The following PRKDC variants were observed in gnomAD, a reference collection of about 807,000 sequenced individuals.
PRKDC encodes protein kinase, DNA-activated, catalytic subunit.
A neutral mutation model predicts 486.9 loss-of-function variants in PRKDC; 82 were observed. The ratio of observed to expected loss-of-function variants is 0.17; its 90% CI spans 0.14 to 0.20. The LOEUF (loss-of-function observed/expected upper bound fraction) is 0.20, where lower values mean the gene tolerates loss of function less well. Among genes scored for constraint, PRKDC ranks in the 10% least tolerant of loss-of-function variants. The pLI is 1.00. For missense variants in PRKDC, 4,504 were observed against 5,038.2 expected, an observed-to-expected ratio of 0.89 and a Z score of 3.21; for synonymous variants, 1,895 against 1,837.0, an observed-to-expected ratio of 1.03 and a Z score of -0.81.
At position 47,901,001 on chromosome 8, in the gene PRKDC, AAAAT is replaced by A. The variant is rs965080140; in HGVS notation, c.3270-538_3270-535del. ...TGTCTCTACAAAAAATTAAAAAAAA[AAAAT>A]TAGTTGGGTGCAGTGGTGCACACCT... On this transcript the variant is annotated intron_variant, in intron 27 of 85. Transcript: ENST00000314191. 1.2e-4 allele frequency among the ~76,000 whole-genome samples: 18 copies of A among 151,878 alleles called. No homozygotes were observed. In the South Asian group the frequency reaches 1.7e-3, roughly 14 times the overall value.
At chr8:47,797,115 T>C (rs2154498093) in intron 73 of PRKDC, among the ~76,000 whole-genome samples, 1 of 152,306 alleles carries the variant, frequency 6.6e-6, no homozygotes, top group Non-Finnish European at 1.5e-5. Context: ...TGAGTGCACG[T>C]GTGAGCTGAG....
intron 50 of PRKDC, among the ~76,000 whole-genome samples, chr8:47,854,797 G>C (rs1235743372): frequency 6.6e-6 from 1 of 152,036 alleles, no homozygotes; most frequent in African/African-American, 2.4e-5. Context: ...TCACATCCAG[G>C]TTCCTCCAGC....
At chr8:47,886,388 G>C (rs909420595) in intron 35 of PRKDC, among the ~76,000 whole-genome samples, 6 of 152,072 alleles carry the variant, frequency 3.9e-5, no homozygotes, top group Non-Finnish European at 8.8e-5. Context: ...CAAAAGTCTT[G>C]TTGTTGTGTT....
At chr8:47,926,260 T>C (rs949339939) in intron 21 of PRKDC, among the ~76,000 whole-genome samples, 13 of 152,226 alleles carry the variant, frequency 8.5e-5, no homozygotes, top group African/African-American at 3.1e-4. Flanking sequence ...GTCTCTAAAA[T>C]ATGCTTGTTA....
intron 68 of PRKDC, among the ~76,000 whole-genome samples, chr8:47,813,551 A>G (rs1178244647): frequency 6.6e-6 from 1 of 152,092 alleles, no homozygotes; most frequent in Non-Finnish European, 1.5e-5. Context: ...ATATTCAAGT[A>G]TGAAATAATG....
chr8:47,955,980 T>C (rs1248630296), intron 3 of PRKDC, 32 bp from the exon 4 acceptor site: 4 of 1,450,770 alleles, frequency 2.8e-6, no homozygotes, highest in Middle Eastern at 3.7e-4. Context: ...ACCAAAATCA[T>C]CAATAAGATA....
chr8:47,776,163 T>TA (rs1460429014), intron 85 of PRKDC, among the ~76,000 whole-genome samples: 1 of 152,204 alleles, frequency 6.6e-6, no homozygotes, highest in African/African-American at 2.4e-5. Flanking sequence ...CTCTTACACT[T>TA]AGCTCTCTGA....
chr8:47,879,453 C>A (rs1256802966), intron 39 of PRKDC, 38 bp downstream of exon 39: 6 of 1,451,888 alleles, frequency 4.1e-6, no homozygotes, highest in East Asian at 2.5e-5. Flanking sequence ...AAAAAAAAAA[C>A]AGTGTTTTAA....
At chr8:47,897,979 C>T (rs924577238) in intron 29 of PRKDC, among the ~76,000 whole-genome samples, 1 of 152,168 alleles carries the variant, frequency 6.6e-6, no homozygotes, top group African/African-American at 2.4e-5. Flanking sequence ...AAGGCAACAC[C>T]ACTAGGATGG....
intron 46 of PRKDC, among the ~76,000 whole-genome samples, chr8:47,859,255 C>T (rs548661163): frequency 6.6e-6 from 1 of 152,142 alleles, no homozygotes; most frequent in South Asian, 2.1e-4. Context: ...CTCTGTTACA[C>T]TGACCCCTGA....
chr8:47,824,018 C>T (rs1444430975), intron 63 of PRKDC, 22 bp from the exon 64 acceptor site: 1 of 1,547,914 alleles, frequency 6.5e-7, no homozygotes, highest in East Asian at 2.3e-5. Flanking sequence ...ATCAAAAAGG[C>T]CAAATCAATG....
intron 55 of PRKDC, 32 bp downstream of exon 55, chr8:47,839,984 T>G: frequency 1.3e-6 from 2 of 1,489,446 alleles, no homozygotes; most frequent in Non-Finnish European, 1.8e-6. Flanking sequence ...CTCAAAAAAG[T>G]AACAAAATAA....
At chr8:47,868,396 A>T (rs2088864488) in intron 40 of PRKDC, among the ~76,000 whole-genome samples, 4 of 140,664 alleles carry the variant, frequency 2.8e-5, no homozygotes, top group Admixed American at 1.4e-4. Flanking sequence ...CTCTACGTTT[A>T]AAAAAAAAAA....
rs768449225 is a variant in PRKDC, at chr8:47,960,027, G to A, written c.100C>T (p.Leu34=). The change falls in exon 1 of 86, where the codon CTG becomes TTG. Residue 34 remains leucine (L), a synonymous_variant. Coordinates refer to ENST00000314191, the MANE Select transcript of PRKDC (RefSeq NM_006904.7). Reference sequence around the variant, plus strand: ...CATTCCTGCCCCAGGCCGCGGATCAGTTGATGACCGGCCAGGGCAGCACCG... The same window carrying A: ...CATTCCTGCCCCAGGCCGCGGATCAATTGATGACCGGCCAGGGCAGCACCG... ...RCGAALAGHQ[L]IRGLGQECVL... The A allele has an allele frequency of 3.3e-6, 5 of 1,534,368 alleles. No individual in the cohort carries two copies. In the South Asian group the frequency reaches 4.8e-5, roughly 15 times the overall value.
At chr8:47,883,130 T>C (rs1333178782) in intron 36 of PRKDC, among the ~76,000 whole-genome samples, 1 of 152,182 alleles carries the variant, frequency 6.6e-6, no homozygotes, top group African/African-American at 2.4e-5. Flanking sequence ...CTCTTGGGGA[T>C]CTGGCATGTC....
rs1219886545 is a variant in PRKDC at position 47,859,674 on chromosome 8, T to G, written c.6144A>C (p.Gly2048=). The G allele has an allele frequency of 1.2e-6, 2 of 1,613,898 alleles. No homozygotes were observed. The highest frequency in any genetic ancestry group is 1.7e-6 in the Non-Finnish European group (2 of 1,179,864). ...EEMSQFDFST[G]VQSYSYSSQD... ...GGGAGCTGTATGAATAGCTCTGAAC[T>G]CCGGTTGAGAAATCAAATTGACTCA... Residue 2048 remains glycine (G), a synonymous_variant, in exon 46 of 86, where the codon GGA becomes GGC. Coordinates refer to ENST00000314191, the MANE Select transcript of PRKDC (RefSeq NM_006904.7).
intron 85 of PRKDC, 28 bp from the exon 86 acceptor site, chr8:47,774,405 C>A (rs1249162282): frequency 1.7e-5 from 28 of 1,600,754 alleles, no homozygotes; most frequent in Non-Finnish European, 2.3e-5. Flanking sequence ...ACAGAAAACA[C>A]AAAGCATGTG....
chr8:47,791,899 T>G (rs1358110927), intron 74 of PRKDC, among the ~76,000 whole-genome samples: 2 of 152,204 alleles, frequency 1.3e-5, no homozygotes, highest in Admixed American at 1.3e-4. Context: ...CACTCCCATG[T>G]TTATTGCAGC....
chr8:47,832,039 A>C, intron 59 of PRKDC, 113 bp from the exon 60 acceptor site: 1 of 878,352 alleles, frequency 1.1e-6, no homozygotes, highest in Non-Finnish European at 1.8e-6. Context: ...CCGCAGAGGC[A>C]GCGACCGGGA....
Sources: gnomAD v4.1 joint callset for allele counts (sites outside exome capture counted in the v4.1 genomes callset) on GRCh38, gnomAD v4.1.1 for gene constraint, MANE v1.5 for transcripts, NCBI Gene and HGNC (gene_info 2026-07-23, HGNC 2026-07-21) for gene names.